SETD2: variants seen among roughly 807,000 people sequenced by gnomAD.
The protein encoded by SETD2 is SET domain containing 2, histone lysine methyltransferase, also known as histone-lysine N-methyltransferase SETD2.
Under a neutral mutation model 242.1 loss-of-function variants are expected in SETD2, and 31 were observed. The ratio of observed to expected loss-of-function variants is 0.13; its 90% CI spans 0.10 to 0.17. The LOEUF (loss-of-function observed/expected upper bound fraction) is 0.17. Among genes scored for constraint, SETD2 ranks in the 10% least tolerant of loss-of-function variants. SETD2 has a pLI of 1.00. For synonymous variants in SETD2, 1,006 were observed against 1,066.5 expected, an observed-to-expected ratio of 0.94 and a Z score of 1.11; for missense variants, 2,481 against 3,046.3, an observed-to-expected ratio of 0.81 and a Z score of 4.37.
At chr3:47,023,901 A>G (rs867432485) in intron 18 of SETD2, among the ~76,000 whole-genome samples, 3 of 152,178 alleles carry the variant, frequency 2.0e-5, no homozygotes, top group African/African-American at 7.2e-5. Context: ...TCAATCCCCT[A>G]TGGATACAGA....
intron 6 of SETD2, chr3:47,105,653 C>T (rs759102964): frequency 2.7e-5 from 12 of 448,668 alleles, no homozygotes; most frequent in South Asian, 1.6e-4. Flanking sequence ...CGGCAGGACA[C>T]GGTGGCTCAT....
rs373958662 is a variant in SETD2, at chr3:47,072,140, CTA to C, written c.6061-5024_6061-5023del. 4.4e-3 allele frequency among the ~76,000 whole-genome samples: 665 copies of C among 152,058 alleles called. 8 individuals carry two copies. Among genetic ancestry groups the C allele is most frequent in the African/African-American group, 0.015 (633 of 41,480 alleles). ...TGGCTAACACGGTGAAACCCCGTCT[CTA>C]CCAAAAATACAAAAAATTAGCCAGG... On this transcript the variant is annotated intron_variant, in intron 12 of 20. Coordinates refer to ENST00000409792, the MANE Select transcript of SETD2 (RefSeq NM_014159.7).
chr3:47,116,508 T>C (rs2042858912), intron 4 of SETD2, 115 bp downstream of exon 4: 2 of 1,005,364 alleles, frequency 2.0e-6, no homozygotes, highest in East Asian at 2.5e-5. Flanking sequence ...ACTTTTTTGC[T>C]TGTAGTCATC....
At chr3:47,088,361 C>G (rs2041656035) in intron 9 of SETD2, 114 bp from the exon 10 acceptor site, 2 of 1,000,370 alleles carry the variant, frequency 2.0e-6, no homozygotes, top group Non-Finnish European at 2.9e-6. Flanking sequence ...AAATGAAGAC[C>G]AAACTGGGAA....
At chr3:47,134,041 G>C (rs1390740520) in intron 1 of SETD2, among the ~76,000 whole-genome samples, 1 of 152,182 alleles carries the variant, frequency 6.6e-6, no homozygotes, top group African/African-American at 2.4e-5. Flanking sequence ...AAAGGTGCTT[G>C]TTGTCCCCTG....
intron 6 of SETD2, 50 bp from the exon 7 acceptor site, chr3:47,103,473 C>A (rs901489606): frequency 6.3e-6 from 8 of 1,262,350 alleles, no homozygotes; most frequent in South Asian, 1.2e-5. Flanking sequence ...CTTAAATATT[C>A]ATGCAATTAC....
chr3:47,052,921 G>A (rs1304475199), intron 15 of SETD2, among the ~76,000 whole-genome samples: 1 of 151,652 alleles, frequency 6.6e-6, no homozygotes, highest in South Asian at 2.1e-4. Context: ...ACAGAGTCTC[G>A]CTCTGTCTCC....
chr3:47,042,681 T>C lies in SETD2; in HGVS notation c.7118A>G (p.Asn2373Ser), dbSNP rs114833216. 1 of 1,608,856 alleles carries C rather than the reference T, an allele frequency of 6.2e-7. No homozygotes were observed. The highest frequency in any genetic ancestry group is 1.3e-5 in the African/African-American group (1 of 74,730). Reference sequence around the variant, plus strand: ...GGGGGGCGGCAGATCCAAGAGATTATTTGTCACAACCATTTCAGACTACAA... The same window carrying C: ...GGGGGGCGGCAGATCCAAGAGATTACTTGTCACAACCATTTCAGACTACAA... ...PLQPSEMVVTNNLLDLPPPSP... is the reference protein window; with the variant it reads ...PLQPSEMVVTSNLLDLPPPSP... The change falls in exon 17 of 21, where the codon AAT becomes AGT. Residue 2373 changes from asparagine to serine, a missense_variant. This residue lies in a region of SETD2 where 235 missense variants were observed against 293.9 expected (regional missense o/e 0.80). Transcript: ENST00000409792.
chr3:47,065,608 TA>T (rs2040526141), intron 13 of SETD2, among the ~76,000 whole-genome samples: 3 of 151,850 alleles, frequency 2.0e-5, no homozygotes, highest in African/African-American at 7.3e-5. Flanking sequence ...CTAGCCTGGG[TA>T]ACATAGCGAG....
chr3:47,156,777 C>T (rs1321431145), intron 1 of SETD2, among the ~76,000 whole-genome samples: 2 of 152,116 alleles, frequency 1.3e-5, no homozygotes, highest in Admixed American at 1.3e-4. Context: ...TATATGAAAT[C>T]TGGTAACCAC....
At chr3:47,139,770 A>T (rs952188698) in intron 1 of SETD2, among the ~76,000 whole-genome samples, 1 of 152,198 alleles carries the variant, frequency 6.6e-6, no homozygotes, top group African/African-American at 2.4e-5. Context: ...TACGTTATTT[A>T]TGTGGTCAAT....
intron 9 of SETD2, among the ~76,000 whole-genome samples, chr3:47,088,581 T>C (rs1489192947): frequency 6.6e-6 from 1 of 152,044 alleles, no homozygotes; most frequent in African/African-American, 2.4e-5. Context: ...CATGAACAAA[T>C]TACATTAAAC....
chr3:47,105,741 A>G (rs2042387559), intron 6 of SETD2: 1 of 423,148 alleles, frequency 2.4e-6, no homozygotes, highest in African/African-American at 2.1e-5. Context: ...CGTCTCTACT[A>G]AAAATACAAA....
intron 11 of SETD2, 78 bp downstream of exon 11, chr3:47,086,117 C>T (rs1013579299): frequency 1.4e-4 from 204 of 1,483,064 alleles, no homozygotes; most frequent in Non-Finnish European, 5.8e-5. Context: ...TTCATAATTA[C>T]TGATATTATC....
At chr3:47,054,582 C>A (rs1040124258) in intron 15 of SETD2, among the ~76,000 whole-genome samples, 1 of 152,012 alleles carries the variant, frequency 6.6e-6, no homozygotes, top group Non-Finnish European at 1.5e-5. Context: ...AACCAAAACC[C>A]AAAACATTCT....
intron 5 of SETD2, among the ~76,000 whole-genome samples, chr3:47,109,065 CTTA>C (rs2042551382): frequency 6.6e-6 from 1 of 152,076 alleles, no homozygotes; most frequent in Non-Finnish European, 1.5e-5. Flanking sequence ...ACTCCTTCTC[CTTA>C]AAGCCTGTTC....
At chr3:47,111,079 TAAAAAAAA>T (rs10672755) in intron 5 of SETD2, among the ~76,000 whole-genome samples, 13 of 78,802 alleles carry the variant, frequency 1.6e-4, no homozygotes, top group East Asian at 1.4e-3. Flanking sequence ...GTGGTTCCTT[TAAAAAAAA>T]AAAAAAAAAA....
At chr3:47,141,283 C>T (rs563055821) in intron 1 of SETD2, among the ~76,000 whole-genome samples, 11 of 152,248 alleles carry the variant, frequency 7.2e-5, no homozygotes, top group African/African-American at 2.6e-4. Context: ...GCTGGGATTA[C>T]AAGCATGAGC....
rs1250307556 is a variant in SETD2 at position 47,042,572 on chromosome 3, A to G, written c.7227T>C (p.His2409=). 6.2e-7 allele frequency: 1 copy of G among 1,614,018 alleles called. No homozygotes were observed. Among genetic ancestry groups the G allele is most frequent in the African/African-American group, 1.3e-5 (1 of 74,912 alleles). Reference sequence around the variant, plus strand: ...ACAGCTCCTCTTACCTTGTGATCACATGGTAGTAATAAATCTTCCCTTCTG... The same window carrying G: ...ACAGCTCCTCTTACCTTGTGATCACGTGGTAGTAATAAATCTTCCCTTCTG... ...RDPEGKIYYY[H]VITRQTQWDP... Residue 2409 remains histidine, a synonymous_variant, in exon 17 of 21, where the codon CAT becomes CAC. Transcript: ENST00000409792.
Sources: allele counts gnomAD v4.1 joint callset (sites outside exome capture counted in the v4.1 genomes callset), GRCh38; gene constraint gnomAD v4.1.1; regional missense constraint gnomAD v4.1.1; transcripts MANE v1.5; gene names NCBI Gene and HGNC (gene_info 2026-07-23, HGNC 2026-07-21).